Variants in PPARGC1A observed in about 807,000 individuals in gnomAD.
PPARGC1A encodes the protein peroxisome proliferator-activated receptor gamma coactivator 1-alpha.
Under a neutral mutation model 88.7 loss-of-function variants are expected in PPARGC1A, and 25 were observed. The observed-to-expected ratio is 0.28, with a 90% CI of 0.21 to 0.39. The LOEUF (loss-of-function observed/expected upper bound fraction) is 0.39, where lower values mean the gene tolerates loss of function less well. Ranked by LOEUF, PPARGC1A falls within the 10% of genes least tolerant of loss-of-function variation. The pLI is 1.00. For synonymous variants in PPARGC1A, 363 were observed against 355.6 expected (o/e 1.02, Z -0.24); for missense variants, 880 against 968.7 (o/e 0.91, Z 1.22).
chr4:23,910,302 C>A, the PPARGC1A span, among the ~76,000 whole-genome samples: 3 of 49,026 alleles, frequency 6.1e-5, no homozygotes, highest in South Asian at 5.4e-4. Context: ...TATATATTAA[C>A]CCTATATATA....
the PPARGC1A span, among the ~76,000 whole-genome samples, chr4:24,147,443 T>C: frequency 2.6e-5 from 4 of 152,144 alleles, no homozygotes; most frequent in African/African-American, 7.2e-5. Flanking sequence ...CCTCTCTATA[T>C]CCTTTCCCAC....
chr4:24,325,598 T>G, the PPARGC1A span, among the ~76,000 whole-genome samples: 4 of 152,174 alleles, frequency 2.6e-5, no homozygotes, highest in African/African-American at 9.6e-5. Flanking sequence ...TCAACTCACC[T>G]GGCAGCCACT....
the PPARGC1A span, among the ~76,000 whole-genome samples, chr4:23,993,453 A>C: frequency 1.4e-3 from 219 of 152,332 alleles, 1 homozygote; most frequent in South Asian, 9.1e-3. Context: ...AACTTCCTCC[A>C]TGAAGTGAGA....
the PPARGC1A span, among the ~76,000 whole-genome samples, chr4:24,374,594 C>G: frequency 6.6e-6 from 1 of 151,090 alleles, no homozygotes; most frequent in African/African-American, 2.4e-5. Flanking sequence ...TCTGAAGAGA[C>G]ATTTCTCTAA....
the PPARGC1A span, among the ~76,000 whole-genome samples, chr4:23,984,302 C>A: frequency 6.6e-6 from 1 of 152,046 alleles, no homozygotes; most frequent in Admixed American, 6.6e-5. Flanking sequence ...CTTCATGGTG[C>A]TTCTCACAGT....
chr4:24,453,938 T>C, the PPARGC1A span, among the ~76,000 whole-genome samples: 1 of 152,134 alleles, frequency 6.6e-6, no homozygotes, highest in African/African-American at 2.4e-5. Flanking sequence ...GCTGGCCTTG[T>C]AACTTTCTCT....
the PPARGC1A span, among the ~76,000 whole-genome samples, chr4:24,374,809 A>T: frequency 6.6e-6 from 1 of 152,160 alleles, no homozygotes; most frequent in South Asian, 2.1e-4. Context: ...AAAAATGTGC[A>T]CTATTAATTT....
chr4:23,875,690 C>T (rs931059820), intron 2 of PPARGC1A: 15 of 152,100 alleles, frequency 9.9e-5, no homozygotes, highest in African/African-American at 2.7e-4. Flanking sequence ...AAATCCCATT[C>T]GCCACAGCAA....
At chr4:24,092,782 C>T in the PPARGC1A span, among the ~76,000 whole-genome samples, 1 of 152,332 alleles carries the variant, frequency 6.6e-6, no homozygotes, top group East Asian at 1.9e-4. Flanking sequence ...CAAACTTCTA[C>T]TAAAGTGTCT....
the PPARGC1A span, among the ~76,000 whole-genome samples, chr4:24,376,045 A>G: frequency 6.6e-6 from 1 of 151,942 alleles, no homozygotes; most frequent in Non-Finnish European, 1.5e-5. Context: ...AATACTGCAC[A>G]CTTTTATTTC....
chr4:24,178,067 C>T, the PPARGC1A span, among the ~76,000 whole-genome samples: 1 of 152,232 alleles, frequency 6.6e-6, no homozygotes, highest in African/African-American at 2.4e-5. Flanking sequence ...TGTAAACATC[C>T]TTGGTGAAAA....
At chr4:24,181,903 G>C in the PPARGC1A span, among the ~76,000 whole-genome samples, 770 of 152,022 alleles carry the variant, frequency 5.1e-3, 9 homozygotes, top group African/African-American at 0.018. Context: ...ACAAGATAAA[G>C]TTCCCTTATC....
the PPARGC1A span, among the ~76,000 whole-genome samples, chr4:24,253,708 G>A: frequency 1.7e-4 from 25 of 150,086 alleles, no homozygotes; most frequent in South Asian, 4.2e-4. Flanking sequence ...GCCTCTTTAC[G>A]TTTGTCACCA....
the PPARGC1A span, among the ~76,000 whole-genome samples, chr4:24,097,917 T>C: frequency 6.6e-6 from 1 of 152,124 alleles, no homozygotes; most frequent in African/African-American, 2.4e-5. Flanking sequence ...GTCTCTTGGC[T>C]CCCACGTACT....
At chr4:24,052,934 G>A in the PPARGC1A span, among the ~76,000 whole-genome samples, 2 of 124,158 alleles carry the variant, frequency 1.6e-5, no homozygotes, top group African/African-American at 6.1e-5. Context: ...TGCTATCTTG[G>A]CTCACTGCAA....
chr4:23,821,165 T>A (rs374470546), intron 7 of PPARGC1A, among the ~76,000 whole-genome samples: 1 of 152,228 alleles, frequency 6.6e-6, no homozygotes, highest in East Asian at 1.9e-4. Flanking sequence ...CATATGTCAA[T>A]TACTATCTTT....
chr4:24,091,269 T>C, the PPARGC1A span, among the ~76,000 whole-genome samples: 2 of 152,230 alleles, frequency 1.3e-5, no homozygotes, highest in Admixed American at 6.5e-5. Flanking sequence ...ATTAGCTTGC[T>C]TGACAATCTA....
chr4:24,036,284 C>G, the PPARGC1A span, among the ~76,000 whole-genome samples: 12 of 152,210 alleles, frequency 7.9e-5, no homozygotes, highest in African/African-American at 1.4e-4. Context: ...CTCTTACACA[C>G]TGCTAGTGAG....
chr4:23,868,086 G>C (rs1015142889), intron 2 of PPARGC1A, among the ~76,000 whole-genome samples: 2 of 152,054 alleles, frequency 1.3e-5, no homozygotes, highest in African/African-American at 4.8e-5. Context: ...ACCCCGGTAA[G>C]GTACCTGTTC....
Sources: gnomAD v4.1 joint callset for allele counts (sites outside exome capture counted in the v4.1 genomes callset) on GRCh38, gnomAD v4.1.1 for gene constraint, MANE v1.5 for transcripts, NCBI Gene and HGNC (gene_info 2026-07-23, HGNC 2026-07-21) for gene names.